The following ADAD1 variants were observed in gnomAD, a reference collection of about 807,000 sequenced individuals.
ADAD1 encodes the protein adenosine deaminase domain containing 1.
Under a neutral mutation model 66.8 loss-of-function variants are expected in ADAD1, and 46 were observed. The observed-to-expected ratio is 0.69, with a 90% CI of 0.54 to 0.88. The LOEUF (loss-of-function observed/expected upper bound fraction) is 0.88, where lower values mean the gene tolerates loss of function less well. Ranked by LOEUF, ADAD1 falls within the 40% of genes least tolerant of loss-of-function variation. ADAD1 has a pLI of 0.00. For missense variants in ADAD1, 617 were observed against 681.8 expected (o/e 0.91, Z 1.06); for synonymous variants, 248 against 229.4 (o/e 1.08, Z -0.73).
chr4:122,383,537 G>C (rs573249721), intron 4 of ADAD1, among the ~76,000 whole-genome samples: 11 of 152,108 alleles, frequency 7.2e-5, no homozygotes, highest in African/African-American at 2.2e-4. Flanking sequence ...GTTACTCCAC[G>C]TGTGATCAGT....
chr4:122,429,681 A>G lies in ADAD1; in HGVS notation c.1673A>G (p.Gln558Arg). Residue 558 changes from glutamine (Q) to arginine (R), a missense_variant, in exon 13 of 13, where the codon CAA becomes CGA. By Grantham distance (43) the Gln-to-Arg change is conservative. Transcript: ENST00000296513. ...TGTAAGTTGAAATCCTACTTACAACAACATGGCTATGGATCCTGGATTGTG... is the reference window on the plus strand; with the variant it reads ...TGTAAGTTGAAATCCTACTTACAACGACATGGCTATGGATCCTGGATTGTG... ...AKCKLKSYLQ[Q>R]HGYGSWIVKS... The G allele has an allele frequency of 2.5e-6, 4 of 1,613,694 alleles. No homozygotes were observed. Among genetic ancestry groups the G allele is most frequent in the South Asian group, 2.2e-5 (2 of 91,060 alleles).
Position 122,418,013 on chromosome 4 carries a change from C to A in ADAD1, c.1487+2397C>A, listed in dbSNP as rs375166243. ...CAAAGCTGAATAGAAAAGTCAGAGCCTTAAGTGCATGTAACAATAAATGAT... is the reference window on the plus strand; with the variant it reads ...CAAAGCTGAATAGAAAAGTCAGAGCATTAAGTGCATGTAACAATAAATGAT... On this transcript the variant is annotated intron_variant, in intron 11 of 12. Coordinates refer to ENST00000296513, the MANE Select transcript of ADAD1 (RefSeq NM_139243.4). Among the ~76,000 whole-genome samples the A allele has an allele frequency of 2.6e-5, 4 of 152,008 alleles. No individual in the cohort carries two copies. The East Asian group carries it at 5.8e-4, about 22-fold the overall frequency.
chr4:122,387,215 G>A (rs574138888), intron 5 of ADAD1, among the ~76,000 whole-genome samples: 94 of 152,140 alleles, frequency 6.2e-4, no homozygotes, highest in African/African-American at 2.0e-3. Context: ...TTATTTCCCC[G>A]AGCAGTGGTT....
chr4:122,419,782 CAT>C (rs1486108291), intron 11 of ADAD1, among the ~76,000 whole-genome samples: 5 of 152,098 alleles, frequency 3.3e-5, no homozygotes, highest in Non-Finnish European at 7.4e-5. Context: ...GGGAAAATAT[CAT>C]ATGTTTATCT....
At chr4:122,416,691 T>C (rs1796751126) in intron 11 of ADAD1, among the ~76,000 whole-genome samples, 1 of 151,242 alleles carries the variant, frequency 6.6e-6, no homozygotes, top group Non-Finnish European at 1.5e-5. Flanking sequence ...TATGACTGTA[T>C]CACTGCACTC....
At chr4:122,389,368 G>T (rs1393381574) in intron 5 of ADAD1, among the ~76,000 whole-genome samples, 1 of 152,112 alleles carries the variant, frequency 6.6e-6, no homozygotes, top group Non-Finnish European at 1.5e-5. Context: ...GTAGATGTCT[G>T]CCAGGTCCAC....
At chr4:122,398,918 G>A (rs1341010809) in intron 7 of ADAD1, among the ~76,000 whole-genome samples, 1 of 151,728 alleles carries the variant, frequency 6.6e-6, no homozygotes, top group East Asian at 1.9e-4. Flanking sequence ...CCCACTCTGT[G>A]GCTTGTCTGA....
chr4:122,429,644 C>T lies in ADAD1; in HGVS notation c.1636C>T (p.Gln546Ter). 6.2e-7 allele frequency: 1 copy of T among 1,611,874 alleles called. No homozygotes were observed. Among genetic ancestry groups the T allele is most frequent in the South Asian group, 1.1e-5 (1 of 90,904 alleles). Residue 546 changes from glutamine (Q) to a stop codon, truncating the protein, a stop_gained, in exon 13 of 13, where the codon CAA becomes TAA. Coordinates refer to ENST00000296513, the MANE Select transcript of ADAD1 (RefSeq NM_139243.4). LOFTEE classifies it high-confidence loss of function. ...TCTCTAGTGTATGTCTGCCTCCTAT[C>T]AAGAAGCTAAATGTAAGTTGAAATC... ...HAAKCMSASY[Q>*]EAKCKLKSYL...
At chr4:122,421,418 A>G in intron 12 of ADAD1, 28 bp downstream of exon 12, 3 of 1,480,222 alleles carry the variant, frequency 2.0e-6, no homozygotes, top group Non-Finnish European at 2.7e-6. Context: ...TAAAGTTATC[A>G]TAGGAATAAA....
chr4:122,428,046 A>G (rs180986818), intron 12 of ADAD1, among the ~76,000 whole-genome samples: 4 of 151,632 alleles, frequency 2.6e-5, no homozygotes, highest in African/African-American at 9.7e-5. Flanking sequence ...TTTTTCAACA[A>G]ATAGTGCTGA....
intron 11 of ADAD1, among the ~76,000 whole-genome samples, chr4:122,418,057 TAAAGA>T (rs76876388): frequency 0.033 from 4,958 of 151,948 alleles, 104 homozygotes; most frequent in Non-Finnish European, 0.053. Flanking sequence ...ATTAGAAATA[TAAAGA>T]AAAGAGCTTT....
At chr4:122,384,494 G>T (rs141983260) in intron 5 of ADAD1, among the ~76,000 whole-genome samples, 27 of 152,296 alleles carry the variant, frequency 1.8e-4, no homozygotes, top group African/African-American at 5.1e-4. Context: ...GGGAGACAGT[G>T]ATAGTTATAC....
At chr4:122,408,207 G>A (rs17388568) in intron 8 of ADAD1, among the ~76,000 whole-genome samples, 176 bp downstream of exon 8, 30,540 of 152,122 alleles carry the variant, frequency 0.2, 4,013 homozygotes, top group Non-Finnish European at 0.28. Context: ...ATTTATCATA[G>A]TAACGCCAAT....
rs766037021 is a variant in ADAD1, at chr4:122,421,383, C to A, written c.1610C>A (p.Ala537Glu). The A allele has an allele frequency of 6.3e-7, 1 of 1,589,876 alleles. No individual in the cohort carries two copies. The highest frequency in any genetic ancestry group is 2.2e-5 in the East Asian group (1 of 44,472). Residue 537 changes from alanine (A) to glutamate (E), a missense_variant, in exon 12 of 13, where the codon GCA becomes GAA. Coordinates refer to ENST00000296513, the MANE Select transcript of ADAD1 (RefSeq NM_139243.4). Reference protein sequence around the residue: ...KELLEAGTYHAAKCMSASYQE... With the variant: ...KELLEAGTYHEAKCMSASYQE... ...TTACTTGAAGCTGGTACATATCATG[C>A]AGCTAAGGTAAGTCCTTAAAGGAAT...
At chr4:122,381,744 C>T (rs1794906682) in intron 4 of ADAD1, among the ~76,000 whole-genome samples, 1 of 152,196 alleles carries the variant, frequency 6.6e-6, no homozygotes, top group Non-Finnish European at 1.5e-5. Context: ...GATCTCTTCA[C>T]ATTATAGCCA....
intron 7 of ADAD1, among the ~76,000 whole-genome samples, chr4:122,405,487 C>A (rs564437565): frequency 6.6e-6 from 1 of 152,262 alleles, no homozygotes; most frequent in Admixed American, 6.5e-5. Flanking sequence ...GTTGCACAAT[C>A]CAGTGGATTT....
At chr4:122,395,178 G>C (rs1423118351) in intron 6 of ADAD1, among the ~76,000 whole-genome samples, 1 of 151,946 alleles carries the variant, frequency 6.6e-6, no homozygotes, top group Non-Finnish European at 1.5e-5. Flanking sequence ...AGGCTCCCAA[G>C]TAGCTGGGAT....
At chr4:122,410,053 G>A (rs968416395) in intron 8 of ADAD1, among the ~76,000 whole-genome samples, 39 of 152,148 alleles carry the variant, frequency 2.6e-4, no homozygotes, top group African/African-American at 9.2e-4. Context: ...ACAGTTATTA[G>A]CATTCTACTG....
At chr4:122,421,190 T>G in intron 11 of ADAD1, 71 bp from the exon 12 acceptor site, 1 of 1,239,916 alleles carries the variant, frequency 8.1e-7, no homozygotes, top group African/African-American at 1.5e-5. Context: ...CCATATTGAT[T>G]TTAATCTATA....
Sources: allele counts gnomAD v4.1 joint callset (sites outside exome capture counted in the v4.1 genomes callset), GRCh38; gene constraint gnomAD v4.1.1; transcripts MANE v1.5; gene names NCBI Gene and HGNC (gene_info 2026-07-23, HGNC 2026-07-21).